Variants in DNAH11 observed in about 807,000 individuals in gnomAD.
The protein encoded by DNAH11 is axonemal beta dynein heavy chain 11.
A neutral mutation model predicts 526.0 loss-of-function variants in DNAH11; 442 were observed. That is an observed-to-expected ratio of 0.84 (90% CI 0.78 to 0.91). The LOEUF (loss-of-function observed/expected upper bound fraction) is 0.91. Among genes scored for constraint, DNAH11 ranks in the 40% least tolerant of loss-of-function variants. DNAH11 has a pLI of 0.00. For missense variants in DNAH11, 6,989 were observed against 5,448.7 expected (o/e 1.28, Z -8.90); for synonymous variants, 2,461 against 1,935.9 (o/e 1.27, Z -7.12).
chr7:21,650,161 A>C (rs958646776), intron 28 of DNAH11, among the ~76,000 whole-genome samples: 1 of 152,170 alleles, frequency 6.6e-6, no homozygotes, highest in Non-Finnish European at 1.5e-5. Context: ...ATGCATGTAA[A>C]CATTTTATGA....
intron 45 of DNAH11, among the ~76,000 whole-genome samples, chr7:21,730,170 T>G (rs950281202): frequency 1.3e-5 from 2 of 152,210 alleles, no homozygotes; most frequent in Non-Finnish European, 2.9e-5. Flanking sequence ...GAGAGATATC[T>G]GCACTCGCAT....
chr7:21,633,853 C>T (rs1786735096), intron 25 of DNAH11, among the ~76,000 whole-genome samples: 1 of 152,120 alleles, frequency 6.6e-6, no homozygotes, highest in Admixed American at 6.5e-5. Context: ...GGTATTTAGG[C>T]AATGAGGACA....
At chr7:21,749,029 C>T (rs1264968793) in intron 52 of DNAH11, among the ~76,000 whole-genome samples, 1 of 152,080 alleles carries the variant, frequency 6.6e-6, no homozygotes, top group Non-Finnish European at 1.5e-5. Context: ...TTTCTGTTTT[C>T]TATTAATCAA....
At chr7:21,725,211 G>T (rs911788090) in intron 44 of DNAH11, among the ~76,000 whole-genome samples, 1 of 152,144 alleles carries the variant, frequency 6.6e-6, no homozygotes, top group Non-Finnish European at 1.5e-5. Context: ...GATTTGGTCT[G>T]GTGGGAAACC....
intron 28 of DNAH11, among the ~76,000 whole-genome samples, chr7:21,648,903 G>A (rs1787495170): frequency 6.6e-6 from 1 of 151,950 alleles, no homozygotes; most frequent in African/African-American, 2.4e-5. Flanking sequence ...TGAATACCTT[G>A]ATATTATTGT....
chr7:21,627,578 A>T (rs1345657564), intron 25 of DNAH11, among the ~76,000 whole-genome samples: 3 of 152,146 alleles, frequency 2.0e-5, no homozygotes, highest in Admixed American at 2.0e-4. Flanking sequence ...GTTGAAAATT[A>T]ATTGGCTGTA....
chr7:21,826,594 T>C (rs934614050), intron 65 of DNAH11, among the ~76,000 whole-genome samples: 2 of 151,994 alleles, frequency 1.3e-5, no homozygotes, highest in Non-Finnish European at 2.9e-5. Context: ...GATTTCTCTA[T>C]CCTCTTTTTT....
intron 45 of DNAH11, among the ~76,000 whole-genome samples, chr7:21,730,962 G>C (rs1481687345): frequency 6.6e-6 from 1 of 152,092 alleles, no homozygotes; most frequent in Non-Finnish European, 1.5e-5. Flanking sequence ...TGGCCAACAT[G>C]GCGAAACCCG....
At chr7:21,614,987 T>G in intron 20 of DNAH11, 127 bp from the exon 21 acceptor site, 2 of 1,131,580 alleles carry the variant, frequency 1.8e-6, no homozygotes, top group Non-Finnish European at 2.4e-6. Context: ...GTAATTACGC[T>G]GCAGATTTAT....
intron 2 of DNAH11, among the ~76,000 whole-genome samples, chr7:21,553,711 C>T (rs73066448): frequency 0.022 from 3,297 of 152,284 alleles, 51 homozygotes; most frequent in Middle Eastern, 0.034. Context: ...TCACCTCTTT[C>T]TTTGTGTCGA....
chr7:21,610,036 C>G (rs1345056159), intron 20 of DNAH11, among the ~76,000 whole-genome samples: 1 of 152,116 alleles, frequency 6.6e-6, no homozygotes, highest in African/African-American at 2.4e-5. Context: ...AGGCAGATCA[C>G]AAGGTCAGGA....
chr7:21,877,941 T>C (rs1300977131), intron 74 of DNAH11, among the ~76,000 whole-genome samples: 4 of 148,986 alleles, frequency 2.7e-5, no homozygotes, highest in African/African-American at 9.8e-5. Flanking sequence ...CTCTTTTGGC[T>C]CCCTTCACAC....
chr7:21,861,006 G>A (rs1162118081), intron 68 of DNAH11, among the ~76,000 whole-genome samples: 2 of 152,148 alleles, frequency 1.3e-5, no homozygotes, highest in African/African-American at 2.4e-5. Flanking sequence ...TCCACCAGGT[G>A]CCTCCCACAA....
chr7:21,823,532 T>C (rs551410051), intron 65 of DNAH11, among the ~76,000 whole-genome samples: 115 of 152,290 alleles, frequency 7.6e-4, no homozygotes, highest in African/African-American at 2.6e-3. Flanking sequence ...TTATTTAATG[T>C]CTCCTTTACA....
At chr7:21,685,104 A>G (rs752890123) in intron 32 of DNAH11, among the ~76,000 whole-genome samples, 3 of 152,240 alleles carry the variant, frequency 2.0e-5, no homozygotes, top group Non-Finnish European at 4.4e-5. Flanking sequence ...TATAGTTTCT[A>G]TAATTATGTC....
intron 45 of DNAH11, among the ~76,000 whole-genome samples, chr7:21,733,843 A>G (rs542285028): frequency 6.6e-6 from 1 of 152,028 alleles, no homozygotes; most frequent in Non-Finnish European, 1.5e-5. Context: ...AGCCTTTTTT[A>G]TATATATATA....
At chr7:21,671,449 G>C (rs1017657340) in intron 30 of DNAH11, among the ~76,000 whole-genome samples, 2 of 152,110 alleles carry the variant, frequency 1.3e-5, no homozygotes, top group Admixed American at 1.3e-4. Flanking sequence ...GATGTAAGTT[G>C]GTCATGCTAT....
chr7:21,717,895 C>G lies in DNAH11; in HGVS notation c.7104C>G (p.Ile2368Met). Residue 2368 changes from isoleucine (I) to methionine (M), a missense_variant, in exon 43 of 82, where the codon ATC (isoleucine) becomes ATG (methionine). Ile to Met is a conservative substitution (Grantham distance 10, BLOSUM62 1). Transcript: ENST00000409508. ...LDKLRTSFKT[I>M]TSIPESSLVQ... ...AACTGAGAACAAGCTTTAAAACCAT[C>G]ACTTCAATTCCTGAGAGTAGCCTGG... 1 of 1,613,638 alleles carries G rather than the reference C, an allele frequency of 6.2e-7. No homozygotes were observed. Among genetic ancestry groups the G allele is most frequent in the Non-Finnish European group, 8.5e-7 (1 of 1,179,670 alleles).
Position 21,837,032 on chromosome 7 carries a change from C to T in DNAH11, c.10692-5512C>T, listed in dbSNP as rs139779702. ...ATTATCAGGGAAATGCAAATCAAAACCATAATGAAATATCATTTCACCCCA... is the reference window on the plus strand; with the variant it reads ...ATTATCAGGGAAATGCAAATCAAAATCATAATGAAATATCATTTCACCCCA... On this transcript the variant is annotated intron_variant, in intron 65 of 81. Coordinates refer to ENST00000409508, the MANE Select transcript of DNAH11 (RefSeq NM_001277115.2). Among the ~76,000 whole-genome samples, 660 of 152,058 alleles carry T rather than the reference C, an allele frequency of 4.3e-3. 4 individuals are homozygous for T. The highest frequency in any genetic ancestry group is 0.015 in the African/African-American group (626 of 41,496).
Sources: gnomAD v4.1 joint callset for allele counts (sites outside exome capture counted in the v4.1 genomes callset) on GRCh38, gnomAD v4.1.1 for gene constraint, MANE v1.5 for transcripts, NCBI Gene and HGNC (gene_info 2026-07-23, HGNC 2026-07-21) for gene names.